The following USP17L1 variants were observed in gnomAD, a reference collection of about 807,000 sequenced individuals.
The protein encoded by USP17L1 is ubiquitin specific peptidase 17 like family member 1, also known as ubiquitin carboxyl-terminal hydrolase 17-like protein 1.
In USP17L1, 42 loss-of-function variants were observed where a neutral mutation model predicts 31.4. That is an observed-to-expected ratio of 1.34 (90% CI 1.05 to 1.73). USP17L1 has a LOEUF of 1.73. USP17L1 is among the 40% of genes most tolerant of loss of function. The pLI, the probability that USP17L1 is intolerant of heterozygous loss-of-function variation, is 0.00. For synonymous variants in USP17L1, 230 were observed against 194.4 expected, an observed-to-expected ratio of 1.18 and a Z score of -1.52; for missense variants, 576 against 495.8, an observed-to-expected ratio of 1.16 and a Z score of -1.54.
Position 7,332,677 on chromosome 8 carries a change from C to T in USP17L1, c.291C>T (p.Cys97=), listed in dbSNP as rs1181847798. Residue 97 remains cysteine, a synonymous_variant, in exon 1 of 1, where the codon TGC becomes TGT. Coordinates refer to ENST00000529559, the MANE Select transcript of USP17L1 (RefSeq NM_001256873.1). The part of the protein sequence containing the change: ...NTCYENASLQ[C]LTYTLPLANY... ...GCTACGAGAACGCTTCCCTGCAGTGCCTGACATACACACTGCCCCTTGCCA... is the reference window on the plus strand; with the variant it reads ...GCTACGAGAACGCTTCCCTGCAGTGTCTGACATACACACTGCCCCTTGCCA... 2.4e-5 allele frequency: 13 copies of T among 536,280 alleles called. No homozygotes were observed. Among genetic ancestry groups the T allele is most frequent in the African/African-American group, 6.8e-5 (1 of 14,608 alleles). 33.2% of individuals were successfully genotyped at this position (536,280 alleles called of 1,614,324 possible).
chr8:7,333,819 A>G lies in USP17L1; in HGVS notation c.1433A>G (p.His478Arg). ...AAATACAAGTGTGGGATGAAAAACC[A>G]TCATCCTGAACAGCAAAGCTCCCTG... ...QSKYKCGMKN[H>R]HPEQQSSLLN... is the part of the protein sequence containing the mutation. Residue 478 changes from histidine (H) to arginine (R), a missense_variant, in exon 1 of 1, where the codon CAT (histidine) becomes CGT (arginine). His to Arg is a conservative substitution (Grantham distance 29). Coordinates refer to ENST00000529559, the MANE Select transcript of USP17L1 (RefSeq NM_001256873.1). 4 of 1,451,666 alleles carry G rather than the reference A, an allele frequency of 2.8e-6. No individual in the cohort carries two copies. The highest frequency in any genetic ancestry group is 3.6e-5 in the Admixed American group (2 of 55,896). The allele number at this position is 1,451,666 out of a possible 1,614,324, so 89.9% of individuals were successfully genotyped here.
chr8:7,333,244 C>T lies in USP17L1; in HGVS notation c.858C>T (p.Val286=), dbSNP rs559417520. ...LILVLKRFSD[V]AGNKLAKNVQ... Reference sequence around the variant, plus strand: ...TTGTCTTGAAGAGATTCTCCGATGTCGCAGGCAACAAACTTGCCAAGAATG... The same window carrying T: ...TTGTCTTGAAGAGATTCTCCGATGTTGCAGGCAACAAACTTGCCAAGAATG... The change falls in exon 1 of 1, where the codon GTC becomes GTT. Residue 286 remains valine (V), a synonymous_variant. Transcript: ENST00000529559. 7.3e-6 allele frequency: 7 copies of T among 952,754 alleles called. 1 individual carries two copies. Among genetic ancestry groups the T allele is most frequent in the South Asian group, 6.6e-5 (5 of 75,246 alleles). 59.0% of individuals were successfully genotyped at this position (952,754 alleles called of 1,614,324 possible).
chr8:7,333,383 G>A lies in USP17L1; in HGVS notation c.997G>A (p.Gly333Arg), dbSNP rs546888282. ...CCACGCTGGGTGGAGTTGTCACGAC[G>A]GACATTACTTCTCCTATGTCAAAGC... ...LVHAGWSCHD[G>R]HYFSYVKAQE... Residue 333 changes from glycine (G) to arginine (R), a missense_variant, in exon 1 of 1, where the codon GGA (glycine) becomes AGA (arginine). Gly to Arg is a moderately radical substitution (Grantham distance 125, BLOSUM62 -2). Transcript: ENST00000529559. 20 of 1,572,016 alleles carry A rather than the reference G, an allele frequency of 1.3e-5. 1 individual carries two copies. In the South Asian group the frequency reaches 1.6e-4, roughly 12 times the overall value.
At position 7,333,659 on chromosome 8, in the gene USP17L1, G is replaced by C. The variant is rs763658532; in HGVS notation, c.1273G>C (p.Val425Leu). The C allele has an allele frequency of 3.4e-5, 53 of 1,564,672 alleles. 5 individuals are homozygous for C. The South Asian group carries it at 5.6e-4, about 17-fold the overall frequency. The change falls in exon 1 of 1, where the codon GTG becomes CTG. Residue 425 changes from valine to leucine, a missense_variant. Transcript: ENST00000529559. ...LQAPELDEHL[V>L]ERATQESTLD... ...GGCACCCGAGTTGGACGAGCACTTG[G>C]TGGAAAGAGCCACTCAGGAAAGCAC...
rs1240529966 is a variant in USP17L1, at chr8:7,333,718, C to T, written c.1332C>T (p.Asn444=). The T allele has an allele frequency of 8.8e-6, 14 of 1,586,690 alleles. No homozygotes were observed. Among genetic ancestry groups the T allele is most frequent in the Non-Finnish European group, 1.2e-5 (14 of 1,176,152 alleles). ...ACTGGAAATTCCTGCAAGAGCAAAA[C>T]AAAACGAAGCCTGAGTTCAACGTCG... ...LDHWKFLQEQ[N]KTKPEFNVGK... Residue 444 remains asparagine (N), a synonymous_variant, in exon 1 of 1, where the codon AAC becomes AAT. Coordinates refer to ENST00000529559, the MANE Select transcript of USP17L1 (RefSeq NM_001256873.1).
At position 7,333,958 on chromosome 8, in the gene USP17L1, G is replaced by T. The variant is rs748523489; in HGVS notation, c.1572G>T (p.Arg524Ser). 1.9e-6 allele frequency: 3 copies of T among 1,582,306 alleles called. No individual in the cohort carries two copies. Among genetic ancestry groups the T allele is most frequent in the Admixed American group, 1.7e-5 (1 of 59,208 alleles). The change falls in exon 1 of 1, where the codon AGG becomes AGT. Residue 524 changes from arginine to serine, a missense_variant. Coordinates refer to ENST00000529559, the MANE Select transcript of USP17L1 (RefSeq NM_001256873.1). ...AAGGGAAGAACAAACACAGCAAGAG[G>T]GCTCTGCTTGTGTGCCAGTGATCTC... ...RAKGKNKHSK[R>S]ALLVCQ
At position 7,332,923 on chromosome 8, in the gene USP17L1, C is replaced by G. The variant is rs773200428; in HGVS notation, c.537C>G (p.Gly179=). 25 of 1,548,720 alleles carry G rather than the reference C, an allele frequency of 1.6e-5. No individual in the cohort carries two copies. The highest frequency in any genetic ancestry group is 5.1e-5 in the Admixed American group (3 of 58,652). The change falls in exon 1 of 1, where the codon GGC becomes GGG. Residue 179 remains glycine (G), a synonymous_variant. Transcript: ENST00000529559. ...CCATGAAAAAGGCATGCCTTCCCGG[C>G]CACAAGCAGGTAGATCATCACTGCA... ...VDAMKKACLP[G]HKQVDHHCKD... is the part of the protein sequence containing the mutation.
At position 7,333,915 on chromosome 8, in the gene USP17L1, G is replaced by A. The variant is rs540398817; in HGVS notation, c.1529G>A (p.Gly510Glu). ...MNTGTLASLQ[G>E]RTRRAKGKNK... ...ACTGGCACACTCGCTTCTCTGCAAG[G>A]GAGGACCAGGAGAGCCAAAGGGAAG... Residue 510 changes from glycine (G) to glutamate (E), a missense_variant, in exon 1 of 1, where the codon GGG becomes GAG. Transcript: ENST00000529559. 3.5e-4 allele frequency: 534 copies of A among 1,537,286 alleles called. 102 individuals carry two copies. In the African/African-American group the frequency reaches 6.0e-3, roughly 17 times the overall value.
In USP17L1 at chr8:7,333,538, T is replaced by C. The variant is rs572881195; in HGVS notation, c.1152T>C (p.Ser384=). The C allele has an allele frequency of 9.6e-5, 143 of 1,489,800 alleles. 10 individuals are homozygous for C. The East Asian group carries it at 3.1e-3, about 32-fold the overall frequency. The allele number at this position is 1,489,800 out of a possible 1,614,324, so 92.3% of individuals were successfully genotyped here. Residue 384 remains serine, a synonymous_variant, in exon 1 of 1, where the codon AGT becomes AGC. Transcript: ENST00000529559. ...QKSEWERHSE[S]VSRGREPRAL... ...GTGAATGGGAAAGACACAGTGAGAG[T>C]GTGTCAAGAGGCAGGGAACCAAGAG... is the stretch of plus-strand genomic sequence containing the variant.
At chr8:7,333,349 TG>T in the USP17L1 span, 5 of 1,557,474 alleles carry the variant, frequency 3.2e-6, no homozygotes, top group Non-Finnish European at 3.4e-6. Flanking sequence ...TCCTCTATGC[TG>T]TGCTGGTCCA....
rs35387808 is a variant in USP17L1 at position 7,333,397 on chromosome 8, C to T, written c.1011C>T (p.Ser337=). Residue 337 remains serine (S), a synonymous_variant, in exon 1 of 1, where the codon TCC becomes TCT. Transcript: ENST00000529559. The part of the protein sequence containing the change: ...GWSCHDGHYF[S]YVKAQEVQWY... The stretch of plus-strand genomic sequence containing the variant: ...GTTGTCACGACGGACATTACTTCTC[C>T]TATGTCAAAGCTCAAGAAGTCCAGT... 90 of 1,574,442 alleles carry T rather than the reference C, an allele frequency of 5.7e-5. 7 individuals are homozygous for T. The highest frequency in any genetic ancestry group is 2.4e-4 in the Admixed American group (14 of 59,234).
chr8:7,333,685 C>T lies in USP17L1; in HGVS notation c.1299C>T (p.Thr433=). The part of the protein sequence containing the change: ...HLVERATQES[T]LDHWKFLQEQ... ...TGGAAAGAGCCACTCAGGAAAGCACCTTAGACCACTGGAAATTCCTGCAAG... is the reference window on the plus strand; with the variant it reads ...TGGAAAGAGCCACTCAGGAAAGCACTTTAGACCACTGGAAATTCCTGCAAG... The change falls in exon 1 of 1, where the codon ACC becomes ACT. Residue 433 remains threonine (T), a synonymous_variant. Transcript: ENST00000529559. 5 of 1,585,572 alleles carry T rather than the reference C, an allele frequency of 3.2e-6. No homozygotes were observed. The highest frequency in any genetic ancestry group is 4.3e-6 in the Non-Finnish European group (5 of 1,175,534).
In USP17L1 at chr8:7,333,482, C is replaced by A; in HGVS notation, c.1096C>A (p.Gln366Lys). 1 of 1,560,614 alleles carries A rather than the reference C, an allele frequency of 6.4e-7. No individual in the cohort carries two copies. The highest frequency in any genetic ancestry group is 8.6e-7 in the Non-Finnish European group (1 of 1,157,900). ...TAGCATCATTTCTGTCCTGAGTCAA[C>A]AGGCCTATGTCCTCTTTTACATCCA... Reference protein sequence around the residue: ...VCSIISVLSQQAYVLFYIQKS... With the variant: ...VCSIISVLSQKAYVLFYIQKS... The change falls in exon 1 of 1, where the codon CAG (glutamine) becomes AAG (lysine). Residue 366 changes from glutamine to lysine, a missense_variant. Gln to Lys is a moderately conservative substitution (Grantham distance 53, BLOSUM62 1). Transcript: ENST00000529559.
rs1472188900 is a variant in USP17L1, at chr8:7,332,960, C to T, written c.574C>T (p.Leu192Phe). The change falls in exon 1 of 1, where the codon CTC becomes TTC. Residue 192 changes from leucine (L) to phenylalanine (F), a missense_variant. Transcript: ENST00000529559. Reference protein sequence around the residue: ...QVDHHCKDTTLIHQIFGGCWR... With the variant: ...QVDHHCKDTTFIHQIFGGCWR... ...AGATCATCACTGCAAGGACACCACC[C>T]TCATCCACCAAATATTTGGAGGCTG... 49 of 1,558,918 alleles carry T rather than the reference C, an allele frequency of 3.1e-5. 8 individuals carry two copies. The highest frequency in any genetic ancestry group is 8.4e-5 in the African/African-American group (4 of 47,726).
Position 7,333,038 on chromosome 8 carries a change from G to C in USP17L1, c.652G>C (p.Asp218His), listed in dbSNP as rs1400784652. The change falls in exon 1 of 1, where the codon GAC becomes CAC. Residue 218 changes from aspartate (D) to histidine (H), a missense_variant. Coordinates refer to ENST00000529559, the MANE Select transcript of USP17L1 (RefSeq NM_001256873.1). ...CTGCCACGGGATTTCAGACACTTTT[G>C]ACCCTTACCTGGACATCGCCCTGGA... ...LHCHGISDTFDPYLDIALDIQ... is the reference protein window; with the variant it reads ...LHCHGISDTFHPYLDIALDIQ... 3.6e-6 allele frequency: 4 copies of C among 1,122,102 alleles called. No homozygotes were observed. The highest frequency in any genetic ancestry group is 2.6e-5 in the South Asian group (2 of 77,412). 69.5% of individuals were successfully genotyped at this position (1,122,102 alleles called of 1,614,324 possible). A position where few individuals can be genotyped will look rare whatever the true frequency, so the allele number is the denominator to read the frequency against.
rs752074727 is a variant in USP17L1 at position 7,333,549 on chromosome 8, G to A, written c.1163G>A (p.Gly388Asp). Residue 388 changes from glycine (G) to aspartate (D), a missense_variant, in exon 1 of 1, where the codon GGC becomes GAC. Gly to Asp is a moderately conservative substitution (Grantham distance 94). Coordinates refer to ENST00000529559, the MANE Select transcript of USP17L1 (RefSeq NM_001256873.1). Reference sequence around the variant, plus strand: ...AGACACAGTGAGAGTGTGTCAAGAGGCAGGGAACCAAGAGCCCTCGGCGCT... The same window carrying A: ...AGACACAGTGAGAGTGTGTCAAGAGACAGGGAACCAAGAGCCCTCGGCGCT... ...WERHSESVSR[G>D]REPRALGAED... 7 of 1,477,306 alleles carry A rather than the reference G, an allele frequency of 4.7e-6. 1 individual carries two copies. The highest frequency in any genetic ancestry group is 6.4e-6 in the Non-Finnish European group (7 of 1,086,470). 91.5% of individuals were successfully genotyped at this position (1,477,306 alleles called of 1,614,324 possible). A position where few individuals can be genotyped will look rare whatever the true frequency, so the allele number is the denominator to read the frequency against.
chr8:7,332,881 C>A lies in USP17L1; in HGVS notation c.495C>A (p.Leu165=), dbSNP rs1330200630. The A allele has an allele frequency of 1.3e-5, 18 of 1,337,312 alleles. 1 individual carries two copies. Among genetic ancestry groups the A allele is most frequent in the Non-Finnish European group, 1.8e-5 (18 of 979,968 alleles). 82.8% of individuals were successfully genotyped at this position (1,337,312 alleles called of 1,614,324 possible). ...AGCAGGAAGATGTCCATGAATTTCT[C>A]ATGTTCACTGTGGATGCCATGAAAA... ...RGKQEDVHEF[L]MFTVDAMKKA... is the part of the protein sequence containing the mutation. The change falls in exon 1 of 1, where the codon CTC becomes CTA. Residue 165 remains leucine (L), a synonymous_variant. Transcript: ENST00000529559.
Position 7,333,477 on chromosome 8 carries a change from G to C in USP17L1, c.1091G>C (p.Ser364Thr). The C allele has an allele frequency of 6.4e-7, 1 of 1,562,522 alleles. No homozygotes were observed. The highest frequency in any genetic ancestry group is 8.6e-7 in the Non-Finnish European group (1 of 1,159,544). The part of the protein sequence containing the change: ...VTVCSIISVL[S>T]QQAYVLFYIQ... ...GTCTGTAGCATCATTTCTGTCCTGA[G>C]TCAACAGGCCTATGTCCTCTTTTAC... Residue 364 changes from serine to threonine, a missense_variant, in exon 1 of 1, where the codon AGT becomes ACT. Transcript: ENST00000529559.
rs1804095001 is a variant in USP17L1 at position 7,332,660 on chromosome 8, A to G, written c.274A>G (p.Asn92Asp). Residue 92 changes from asparagine (N) to aspartate (D), a missense_variant, in exon 1 of 1, where the codon AAC (asparagine) becomes GAC (aspartate). Transcript: ENST00000529559. ...GAATATGGGAAATACCTGCTACGAG[A>G]ACGCTTCCCTGCAGTGCCTGACATA... ...LQNMGNTCYE[N>D]ASLQCLTYTL... 1 of 520,110 alleles carries G rather than the reference A, an allele frequency of 1.9e-6. No individual in the cohort carries two copies. The highest frequency in any genetic ancestry group is 3.2e-6 in the Non-Finnish European group (1 of 308,038). The allele number at this position is 520,110 out of a possible 1,614,324, so 32.2% of individuals were successfully genotyped here.
Sources: gnomAD v4.1 joint callset for allele counts on GRCh38, gnomAD v4.1.1 for gene constraint, MANE v1.5 for transcripts, NCBI Gene and HGNC (gene_info 2026-07-23, HGNC 2026-07-21) for gene names.